The following RASGRF1 variants were observed in gnomAD, a reference collection of about 807,000 sequenced individuals.
The protein encoded by RASGRF1 is Ras protein specific guanine nucleotide releasing factor 1, also known as ras-specific guanine nucleotide-releasing factor 1.
Under a neutral mutation model 138.7 loss-of-function variants are expected in RASGRF1, and 40 were observed. The ratio of observed to expected loss-of-function variants is 0.29; its 90% CI spans 0.22 to 0.38. The LOEUF (loss-of-function observed/expected upper bound fraction) is 0.38. RASGRF1 is among the 10% of genes least tolerant of loss of function. RASGRF1 has a pLI of 1.00. For missense variants in RASGRF1, 1,108 were observed against 1,650.4 expected (o/e 0.67, Z 5.69); for synonymous variants, 614 against 663.2 (o/e 0.93, Z 1.14).
intron 1 of RASGRF1, among the ~76,000 whole-genome samples, chr15:79,083,745 C>T (rs1945227177): frequency 6.6e-6 from 1 of 152,166 alleles, no homozygotes; most frequent in African/African-American, 2.4e-5. Context: ...TGTACTTGCT[C>T]TGTAACTTTG....
chr15:78,996,585 C>A (rs1265829711), intron 19 of RASGRF1, among the ~76,000 whole-genome samples: 2 of 152,200 alleles, frequency 1.3e-5, no homozygotes, highest in Non-Finnish European at 2.9e-5. Context: ...CGCTCCAAAC[C>A]AGGGCTGCCA....
intron 13 of RASGRF1, among the ~76,000 whole-genome samples, chr15:79,010,729 G>C (rs998164811): frequency 6.6e-6 from 1 of 152,166 alleles, no homozygotes; most frequent in Non-Finnish European, 1.5e-5. Context: ...TTCCCAGGGA[G>C]AGTGCCCCCA....
At position 79,004,012 on chromosome 15, in the gene RASGRF1, T is replaced by A; in HGVS notation, c.2239A>T (p.Ile747Phe). 2 of 1,613,846 alleles carry A rather than the reference T, an allele frequency of 1.2e-6. No homozygotes were observed. The highest frequency in any genetic ancestry group is 1.7e-6 in the Non-Finnish European group (2 of 1,179,932). ...RRRKLSLNIP[I>F]ITGGKALDLA... ...TCCAGGGCCTTGCCGCCAGTGATGA[T>A]GGGGATGTTCAGGGAGAGCTTCCGC... Residue 747 changes from isoleucine to phenylalanine, a missense_variant, in exon 15 of 27, where the codon ATC becomes TTC. Around this residue, in one of 3 missense-constraint regions of RASGRF1, gnomAD observed 686 missense variants for 976.7 expected, o/e 0.70. Transcript: ENST00000558480.
chr15:79,035,071 T>G, intron 6 of RASGRF1, 60 bp downstream of exon 6: 2 of 1,438,262 alleles, frequency 1.4e-6, no homozygotes, highest in South Asian at 1.3e-5. Context: ...GCCCCAGGCT[T>G]TTGGGGTGGC....
intron 4 of RASGRF1, among the ~76,000 whole-genome samples, chr15:79,048,833 T>C (rs1297421885): frequency 2.6e-5 from 4 of 152,186 alleles, no homozygotes; most frequent in Non-Finnish European, 5.9e-5. Flanking sequence ...ATTCCGTGGT[T>C]TCACCTGTTT....
chr15:78,999,471 G>C (rs1175175469), intron 17 of RASGRF1, among the ~76,000 whole-genome samples: 1 of 152,182 alleles, frequency 6.6e-6, no homozygotes, highest in Non-Finnish European at 1.5e-5. Context: ...CCAGTGCAGA[G>C]AGGTGGGGGT....
intron 5 of RASGRF1, among the ~76,000 whole-genome samples, chr15:79,039,837 T>C (rs1411568473): frequency 6.6e-6 from 1 of 151,616 alleles, no homozygotes; most frequent in African/African-American, 2.4e-5. Flanking sequence ...TGGTGTGATC[T>C]CGGCTCACTG....
At chr15:78,987,657 C>T (rs977620849) in intron 22 of RASGRF1, among the ~76,000 whole-genome samples, 5 of 152,114 alleles carry the variant, frequency 3.3e-5, no homozygotes, top group African/African-American at 1.2e-4. Flanking sequence ...GATTGTACTA[C>T]TGCACTCCAG....
intron 25 of RASGRF1, 134 bp from the exon 26 acceptor site, chr15:78,972,068 G>T (rs993830276): frequency 1.3e-6 from 1 of 797,912 alleles, no homozygotes; most frequent in East Asian, 2.5e-5. Context: ...CCTCCTGGAA[G>T]GTCCCACGGA....
Position 78,998,076 on chromosome 15 carries a change from G to C in RASGRF1, c.2966+20C>G, listed in dbSNP as rs1437196747. 2 of 1,594,004 alleles carry C rather than the reference G, an allele frequency of 1.3e-6. No individual in the cohort carries two copies. The highest frequency in any genetic ancestry group is 1.7e-5 in the Admixed American group (1 of 60,000). ...GTCCCAGCAGGCAGTTCTGAGCCAG[G>C]AACCAGGTACTGCCTTTACCTGATG... On this transcript the variant is annotated intron_variant, in intron 19 of 26. Coordinates refer to ENST00000558480, the MANE Select transcript of RASGRF1 (RefSeq NM_001145648.3).
At position 79,046,652 on chromosome 15, in the gene RASGRF1, GGTGGGAACCAC is replaced by G; in HGVS notation, c.878+83_878+93del. 1.9e-6 allele frequency: 3 copies of G among 1,557,942 alleles called. No individual in the cohort carries two copies. The South Asian group carries it at 3.6e-5, about 19-fold the overall frequency. The stretch of plus-strand genomic sequence containing the variant: ...TCCTCTCTGGGCCTCATCTGCACTC[GGTGGGAACCAC>G]GTGAGAGAGTGTGTCAAAGCTTAGC... On this transcript the variant is annotated intron_variant, in intron 5 of 26. Transcript: ENST00000558480. This position sits in a 1 kb window ranked among gnomAD's most constrained non-coding sequence, Gnocchi z 5.3.
intron 22 of RASGRF1, 159 bp downstream of exon 22, chr15:78,990,030 G>A: frequency 1.5e-6 from 1 of 667,294 alleles, no homozygotes. Context: ...AGACTGAGGT[G>A]AGGCAACCAG....
chr15:78,964,194 G>A (rs888390467), intron 26 of RASGRF1, among the ~76,000 whole-genome samples: 3 of 150,940 alleles, frequency 2.0e-5, no homozygotes, highest in African/African-American at 7.3e-5. Flanking sequence ...TTTTTTTTGA[G>A]GGGGAATTTC....
chr15:79,062,160 C>T (rs181517667), intron 2 of RASGRF1, among the ~76,000 whole-genome samples: 1 of 152,326 alleles, frequency 6.6e-6, no homozygotes, highest in African/African-American at 2.4e-5. Flanking sequence ...GATTCTAAAT[C>T]AATGTAGTCC....
intron 11 of RASGRF1, 43 bp downstream of exon 11, chr15:79,019,998 C>G (rs1240170715): frequency 1.9e-6 from 3 of 1,602,146 alleles, no homozygotes; most frequent in East Asian, 4.5e-5. Context: ...GTGTGTGTAT[C>G]TGTGCAAGCA....
intron 22 of RASGRF1, among the ~76,000 whole-genome samples, chr15:78,986,757 G>T (rs181053979): frequency 1.3e-5 from 2 of 152,210 alleles, no homozygotes; most frequent in Admixed American, 1.3e-4. Context: ...GGGCTTTATC[G>T]CTAAGAAATC....
At chr15:79,028,715 C>T (rs564313237) in intron 8 of RASGRF1, among the ~76,000 whole-genome samples, 2 of 152,272 alleles carry the variant, frequency 1.3e-5, no homozygotes, top group African/African-American at 4.8e-5. Context: ...AGTACCCCAC[C>T]TACTCCAAGC....
chr15:78,965,649 G>A lies in RASGRF1; in HGVS notation c.3682-3413C>T, dbSNP rs188554450. 7.9e-5 allele frequency among the ~76,000 whole-genome samples: 12 copies of A among 152,276 alleles called. No individual in the cohort carries two copies. In the East Asian group the frequency reaches 1.9e-3, roughly 24 times the overall value. On this transcript the variant is annotated intron_variant, in intron 26 of 26. Coordinates refer to ENST00000558480, the MANE Select transcript of RASGRF1 (RefSeq NM_001145648.3). ...GTGGATCACTTGAGGTCAGGAGTTT[G>A]AGACTAGCCTGGCCAGTGTGGTAAA...
At chr15:78,992,038 G>A (rs1421691654) in intron 20 of RASGRF1, among the ~76,000 whole-genome samples, 4 of 152,164 alleles carry the variant, frequency 2.6e-5, no homozygotes, top group South Asian at 2.1e-4. Context: ...TGCTCGGACT[G>A]CCCTCACCCA....
Sources: gnomAD v4.1 joint callset for allele counts (sites outside exome capture counted in the v4.1 genomes callset) on GRCh38, gnomAD v4.1.1 for gene constraint, gnomAD v4.1.1 regional missense constraint, Gnocchi (gnomAD v3.1) non-coding constraint, MANE v1.5 for transcripts, NCBI Gene and HGNC (gene_info 2026-07-23, HGNC 2026-07-21) for gene names.